Variants in GLIS1 observed in about 807,000 individuals in gnomAD.
GLIS1 encodes GLIS family zinc finger 1.
A neutral mutation model predicts 63.8 loss-of-function variants in GLIS1; 24 were observed. The ratio of observed to expected loss-of-function variants is 0.38; its 90% CI spans 0.27 to 0.53. GLIS1 has a LOEUF of 0.53. GLIS1 is among the 20% of genes least tolerant of loss of function. The pLI is 0.85. For synonymous variants in GLIS1, 450 were observed against 482.5 expected (o/e 0.93, Z 0.88); for missense variants, 1,036 against 1,074.1 (o/e 0.96, Z 0.50).
At chr1:53,668,175 C>T (rs1023456229) in intron 2 of GLIS1, among the ~76,000 whole-genome samples, 3 of 152,220 alleles carry the variant, frequency 2.0e-5, no homozygotes, top group Non-Finnish European at 4.4e-5. Flanking sequence ...GCAGTAGACA[C>T]TTCCTTGTTG....
At chr1:53,631,080 G>A (rs1470880650) in intron 2 of GLIS1, among the ~76,000 whole-genome samples, 1 of 152,016 alleles carries the variant, frequency 6.6e-6, no homozygotes, top group Non-Finnish European at 1.5e-5. Flanking sequence ...ATTTTTTATT[G>A]CCTTTTATTG....
chr1:53,576,654 A>T (rs1458477640), intron 4 of GLIS1, among the ~76,000 whole-genome samples: 1 of 152,176 alleles, frequency 6.6e-6, no homozygotes, highest in African/African-American at 2.4e-5. Context: ...TGCATGGATC[A>T]GCTCCGCCTT....
intron 4 of GLIS1, among the ~76,000 whole-genome samples, chr1:53,542,778 T>C (rs1644657565): frequency 6.6e-6 from 1 of 152,148 alleles, no homozygotes. Flanking sequence ...GATAGGTCTG[T>C]GGGACCTGAA....
At chr1:53,616,828 T>C (rs897067436) in intron 2 of GLIS1, among the ~76,000 whole-genome samples, 1 of 152,128 alleles carries the variant, frequency 6.6e-6, no homozygotes, top group Non-Finnish European at 1.5e-5. Context: ...GCTCGGGATT[T>C]CTGGATTCTG....
rs139180368 is a variant in GLIS1, at chr1:53,603,443, C to T, written c.260-3165G>A. 3.6e-3 allele frequency among the ~76,000 whole-genome samples: 542 copies of T among 152,342 alleles called. 3 individuals carry two copies. Among genetic ancestry groups the T allele is most frequent in the African/African-American group, 0.013 (525 of 41,576 alleles). ...CTGTCTCAGAGACTGGAAGTTAAAC[C>T]CAACACTGCAAACACGTGTCCCAGA... On this transcript the variant is annotated intron_variant, in intron 2 of 10. Coordinates refer to ENST00000628545, the MANE Select transcript of GLIS1 (RefSeq NM_001367484.1).
chr1:53,664,052 C>G (rs1015099882), intron 2 of GLIS1, among the ~76,000 whole-genome samples: 3 of 152,178 alleles, frequency 2.0e-5, no homozygotes, highest in Non-Finnish European at 4.4e-5. Context: ...ATGAGGGCAA[C>G]CCAGAACCCA....
At chr1:53,633,554 A>C (rs143277665) in intron 2 of GLIS1, among the ~76,000 whole-genome samples, 7 of 152,074 alleles carry the variant, frequency 4.6e-5, no homozygotes, top group Non-Finnish European at 1.0e-4. Context: ...GGGGGACCAC[A>C]GAGGGACTCG....
intron 4 of GLIS1, among the ~76,000 whole-genome samples, chr1:53,580,192 C>A (rs576571581): frequency 2.6e-5 from 4 of 152,258 alleles, no homozygotes; most frequent in Non-Finnish European, 5.9e-5. Context: ...CTGTCTTCTG[C>A]CCCCATGGGT....
At chr1:53,660,017 A>G (rs1646009135) in intron 2 of GLIS1, among the ~76,000 whole-genome samples, 1 of 152,194 alleles carries the variant, frequency 6.6e-6, no homozygotes, top group Non-Finnish European at 1.5e-5. Flanking sequence ...TGCTTCATCT[A>G]AAGTGAGCAA....
chr1:53,640,522 T>C (rs1244133910), intron 2 of GLIS1, among the ~76,000 whole-genome samples: 1 of 152,162 alleles, frequency 6.6e-6, no homozygotes, highest in Non-Finnish European at 1.5e-5. Context: ...CCCGCTCTCC[T>C]GTGGAGCCTG....
intron 2 of GLIS1, among the ~76,000 whole-genome samples, chr1:53,637,719 A>G (rs1045636784): frequency 6.6e-6 from 1 of 152,174 alleles, no homozygotes; most frequent in Non-Finnish European, 1.5e-5. Context: ...AGGGTCCTGC[A>G]GGCTTTGGCT....
At chr1:53,685,098 G>A (rs1419619312) in intron 2 of GLIS1, among the ~76,000 whole-genome samples, 1 of 152,152 alleles carries the variant, frequency 6.6e-6, no homozygotes, top group Admixed American at 6.5e-5. Context: ...GAAGAGGGTG[G>A]GGAGGCATTT....
chr1:53,533,828 G>T (rs1644555340), intron 4 of GLIS1, among the ~76,000 whole-genome samples: 1 of 152,176 alleles, frequency 6.6e-6, no homozygotes, highest in African/African-American at 2.4e-5. Flanking sequence ...AAAGAGGGAT[G>T]AGAGCGACCA....
Position 53,739,113 on chromosome 1 carries a change from G to T in GLIS1, c.-51C>A, listed in dbSNP as rs1481839627. Among the ~76,000 whole-genome samples, 1 of 150,620 alleles carries T rather than the reference G, an allele frequency of 6.6e-6. No homozygotes were observed. Among genetic ancestry groups the T allele is most frequent in the East Asian group, 2.0e-4 (1 of 5,034 alleles). On this transcript the variant is annotated 5_prime_UTR_variant, in exon 1 of 11. Coordinates refer to ENST00000628545, the MANE Select transcript of GLIS1 (RefSeq NM_001367484.1). ...GCCGCGCCCCCTCTCACCTCGCAGCGGCAGCTGCAGATCGCTGGGCGCCCG... is the reference window on the plus strand; with the variant it reads ...GCCGCGCCCCCTCTCACCTCGCAGCTGCAGCTGCAGATCGCTGGGCGCCCG...
intron 4 of GLIS1, among the ~76,000 whole-genome samples, chr1:53,573,992 T>C (rs1645009098): frequency 2.0e-5 from 3 of 152,146 alleles, no homozygotes; most frequent in Admixed American, 2.0e-4. Flanking sequence ...CAATGACTAT[T>C]AGAGCAGCAG....
At chr1:53,671,169 C>T (rs60924003) in intron 2 of GLIS1, among the ~76,000 whole-genome samples, 1,707 of 152,188 alleles carry the variant, frequency 0.011, 27 homozygotes, top group African/African-American at 0.039. Context: ...TCAGTTACTG[C>T]TATAATGCTG....
chr1:53,684,523 A>G (rs567241696), intron 2 of GLIS1, among the ~76,000 whole-genome samples: 3 of 152,174 alleles, frequency 2.0e-5, no homozygotes, highest in Non-Finnish European at 2.9e-5. Context: ...GGTCAAAGCC[A>G]CCAGGGTGGG....
intron 7 of GLIS1, 136 bp from the exon 8 acceptor site, chr1:53,514,917 GT>G: frequency 8.9e-7 from 1 of 1,119,776 alleles, no homozygotes. Context: ...ATCACTGGAA[GT>G]TTAGGGGCCC....
Position 53,598,036 on chromosome 1 carries a change from T to C in GLIS1, c.437+2065A>G, listed in dbSNP as rs972614505. 2.0e-5 allele frequency among the ~76,000 whole-genome samples: 3 copies of C among 152,166 alleles called. No individual in the cohort carries two copies. Among genetic ancestry groups the C allele is most frequent in the African/African-American group, 7.2e-5 (3 of 41,446 alleles). The stretch of plus-strand genomic sequence containing the variant: ...AGCCTCCAGAGAAGAATCCAGCAGA[T>C]AAATGCATTTGACTGTCACCAAACA... On this transcript the variant is annotated intron_variant, in intron 3 of 10. Coordinates refer to ENST00000628545, the MANE Select transcript of GLIS1 (RefSeq NM_001367484.1). The surrounding 1 kb of genome is among the most constrained non-coding windows in gnomAD (Gnocchi z 4.6).
Sources: allele counts gnomAD v4.1 joint callset (sites outside exome capture counted in the v4.1 genomes callset), GRCh38; gene constraint gnomAD v4.1.1; non-coding constraint Gnocchi (gnomAD v3.1); transcripts MANE v1.5; gene names NCBI Gene and HGNC (gene_info 2026-07-23, HGNC 2026-07-21).